The following ZZEF1 variants were observed in gnomAD, a reference collection of about 807,000 sequenced individuals.
ZZEF1 encodes zinc finger ZZ-type and EF-hand domain containing 1, also known as zinc finger ZZ-type and EF-hand domain-containing protein 1.
Under a neutral mutation model 342.8 loss-of-function variants are expected in ZZEF1, and 157 were observed. The ratio of observed to expected loss-of-function variants is 0.46; its 90% CI spans 0.40 to 0.52. The LOEUF (loss-of-function observed/expected upper bound fraction) is 0.52, where lower values mean the gene tolerates loss of function less well. Ranked by LOEUF, ZZEF1 falls within the 20% of genes least tolerant of loss-of-function variation. ZZEF1 has a pLI of 0.00. For missense variants in ZZEF1, 3,480 were observed against 3,725.6 expected, an observed-to-expected ratio of 0.93 and a Z score of 1.72; for synonymous variants, 1,505 against 1,429.1, an observed-to-expected ratio of 1.05 and a Z score of -1.20.
At position 4,086,334 on chromosome 17, in the gene ZZEF1, ATTCCCACAGCGGCAATC is replaced by A; in HGVS notation, c.2512+135_2512+151del. The A allele has an allele frequency of 9.7e-6, 5 of 516,790 alleles. No homozygotes were observed. The South Asian group carries it at 1.3e-4, about 13-fold the overall frequency. The allele number at this position is 516,790 out of a possible 1,614,324, so 32.0% of individuals were successfully genotyped here. ...CACAGCGGCAATCCCTTTCTGGGGG[ATTCCCACAGCGGCAATC>A]CCTTTCTGGGGGATTCCCACAGCGG... On this transcript the variant is annotated intron_variant, in intron 15 of 54. Transcript: ENST00000381638.
intron 39 of ZZEF1, among the ~76,000 whole-genome samples, chr17:4,041,298 A>G (rs2056797455): frequency 9.6e-6 from 1 of 103,840 alleles, no homozygotes. Context: ...GGGAACACAT[A>G]ATGATTTTCC....
intron 42 of ZZEF1, among the ~76,000 whole-genome samples, chr17:4,028,165 C>A (rs2056458860): frequency 6.6e-6 from 1 of 152,188 alleles, no homozygotes; most frequent in Non-Finnish European, 1.5e-5. Flanking sequence ...CAGAACATTA[C>A]AACATTTTCC....
chr17:4,037,408 T>C (rs1179172542), intron 39 of ZZEF1, among the ~76,000 whole-genome samples: 1 of 152,200 alleles, frequency 6.6e-6, no homozygotes, highest in Non-Finnish European at 1.5e-5. Context: ...AGCCTGAATC[T>C]AATTATGAGG....
intron 1 of ZZEF1, among the ~76,000 whole-genome samples, chr17:4,139,088 C>G (rs2058800074): frequency 7.3e-6 from 1 of 136,098 alleles, no homozygotes; most frequent in African/African-American, 2.9e-5. Flanking sequence ...AAAGAAGAAA[C>G]ATGTAACACT....
chr17:4,095,832 T>C lies in ZZEF1; in HGVS notation c.1912A>G (p.Arg638Gly), dbSNP rs1200339236. Residue 638 changes from arginine to glycine, a missense_variant and splice_region_variant, in exon 11 of 55, where the codon AGG becomes GGG. Arg to Gly is a moderately radical substitution (Grantham distance 125). Transcript: ENST00000381638. ...LQELRQFVKS[R>G]IGCSSDDLGE... ...TACAAAGATTTTTTACCTTCTTACC[T>C]GCTTTTTACAAATTGCCTGAGCTCC... 6.2e-7 allele frequency: 1 copy of C among 1,604,642 alleles called. No individual in the cohort carries two copies. The highest frequency in any genetic ancestry group is 1.7e-5 in the Admixed American group (1 of 57,946).
chr17:4,007,458 C>T (rs188942744), intron 54 of ZZEF1, among the ~76,000 whole-genome samples: 4 of 151,920 alleles, frequency 2.6e-5, no homozygotes, highest in South Asian at 2.1e-4. Flanking sequence ...GGCAGGGAGA[C>T]GTGTCAGGGA....
intron 1 of ZZEF1, among the ~76,000 whole-genome samples, chr17:4,137,993 A>AG (rs5818933): frequency 0.19 from 29,446 of 152,090 alleles, 3,089 homozygotes; most frequent in East Asian, 0.38. Flanking sequence ...ATGCGGGGGT[A>AG]GGGGGAAGAT....
At chr17:4,031,926 G>T (rs980619671) in intron 42 of ZZEF1, among the ~76,000 whole-genome samples, 200 bp downstream of exon 42, 4 of 152,040 alleles carry the variant, frequency 2.6e-5, no homozygotes, top group African/African-American at 4.8e-5. Flanking sequence ...CAAAAAGACA[G>T]CATGGAAAGG....
intron 53 of ZZEF1, 132 bp from the exon 54 acceptor site, chr17:4,009,086 C>T (rs747057697): frequency 6.6e-5 from 74 of 1,121,884 alleles, no homozygotes; most frequent in Middle Eastern, 3.0e-4. Flanking sequence ...CGCCCAGCAC[C>T]GCGTGGCACT....
intron 32 of ZZEF1, chr17:4,056,934 A>C (rs994516362): frequency 2.6e-5 from 4 of 152,236 alleles, no homozygotes; most frequent in South Asian, 2.1e-4. Context: ...TTTTGGATGC[A>C]AAATTGTAAA....
rs573602712 is a variant in ZZEF1, at chr17:4,129,084, A to G, written c.355-5033T>C. ...ACCCGGCCCAAAAAACATTTTTAAT[A>G]CCAACTTTACTAAGGTATGTAATTC... is the stretch of plus-strand genomic sequence containing the variant. On this transcript the variant is annotated intron_variant, in intron 1 of 54. Transcript: ENST00000381638. Among the ~76,000 whole-genome samples, 50 of 152,226 alleles carry G rather than the reference A, an allele frequency of 3.3e-4. 1 individual carries two copies. Among genetic ancestry groups the G allele is most frequent in the African/African-American group, 1.2e-3 (49 of 41,546 alleles).
At position 4,087,437 on chromosome 17, in the gene ZZEF1, T is replaced by C; in HGVS notation, c.2339A>G (p.Gln780Arg). The C allele has an allele frequency of 6.2e-7, 1 of 1,608,466 alleles. No homozygotes were observed. Among genetic ancestry groups the C allele is most frequent in the South Asian group, 1.1e-5 (1 of 89,214 alleles). Reference protein sequence around the residue: ...IFWNFYSKLKQNPREECVSAQ... With the variant: ...IFWNFYSKLKRNPREECVSAQ... ...CTTATAACAAATTCTGACCTACTTTTGCTTTAATTTACTGTAAAAATTCCA... is the reference window on the plus strand; with the variant it reads ...CTTATAACAAATTCTGACCTACTTTCGCTTTAATTTACTGTAAAAATTCCA... Residue 780 changes from glutamine (Q) to arginine (R), a missense_variant, in exon 14 of 55, where the codon CAA becomes CGA. Coordinates refer to ENST00000381638, the MANE Select transcript of ZZEF1 (RefSeq NM_015113.4).
rs931103690 is a variant in ZZEF1, at chr17:4,095,823, C to T, written c.1913+8G>A. 2.5e-6 allele frequency: 4 copies of T among 1,596,852 alleles called. No homozygotes were observed. The highest frequency in any genetic ancestry group is 2.2e-5 in the East Asian group (1 of 44,658). On this transcript the variant is annotated splice_region_variant and intron_variant, in intron 11 of 54. Transcript: ENST00000381638. ...TCTTTGTTCTACAAAGATTTTTTAC[C>T]TTCTTACCTGCTTTTTACAAATTGC...
At chr17:4,059,377 C>A in intron 30 of ZZEF1, 87 bp from the exon 31 acceptor site, 1 of 1,512,598 alleles carries the variant, frequency 6.6e-7, no homozygotes, top group Admixed American at 2.4e-5. Flanking sequence ...TGAAAAAGAG[C>A]AAGTGGCAGT....
rs146280502 is a variant in ZZEF1, at chr17:4,110,820, T to C, written c.1067-957A>G. On this transcript the variant is annotated intron_variant, in intron 5 of 54. Transcript: ENST00000381638. ...ACCTCCGCCTCCTGGGTTCAAGTGA[T>C]TCTCCTGCCTCAGCCTCCCAAGTAG... 9.0e-4 allele frequency among the ~76,000 whole-genome samples: 137 copies of C among 151,588 alleles called. 2 individuals carry two copies. In the East Asian group the frequency reaches 0.026, roughly 28 times the overall value.
chr17:4,027,829 C>T (rs1319116934), intron 42 of ZZEF1, among the ~76,000 whole-genome samples: 3 of 152,036 alleles, frequency 2.0e-5, no homozygotes, highest in Non-Finnish European at 4.4e-5. Flanking sequence ...CCCCAAACTC[C>T]TGGCCTCATC....
rs1179743466 is a variant in ZZEF1 at position 4,027,286 on chromosome 17, CTTTT to C, written c.6893-2172_6893-2169del. ...GACCTACGCACCCAGCAATATCTCA[CTTTT>C]TTTTTTTTTTTTTTTTTTTTTTGAG... On this transcript the variant is annotated intron_variant, in intron 42 of 54. Coordinates refer to ENST00000381638, the MANE Select transcript of ZZEF1 (RefSeq NM_015113.4). Among the ~76,000 whole-genome samples the C allele has an allele frequency of 5.5e-3, 375 of 67,946 alleles. 1 individual carries two copies. Among genetic ancestry groups the C allele is most frequent in the Non-Finnish European group, 6.6e-3 (254 of 38,602 alleles). The allele number at this position is 67,946 out of a possible 152,430, so 44.6% of individuals were successfully genotyped here. A position where few individuals can be genotyped will look rare whatever the true frequency, so the allele number is the denominator to read the frequency against.
At chr17:4,131,240 C>T (rs1268181512) in intron 1 of ZZEF1, among the ~76,000 whole-genome samples, 2 of 152,022 alleles carry the variant, frequency 1.3e-5, no homozygotes, top group East Asian at 1.9e-4. Flanking sequence ...AGATGACACC[C>T]GCACAGCCGA....
intron 51 of ZZEF1, 46 bp from the exon 52 acceptor site, chr17:4,013,660 T>C (rs1240537449): frequency 2.0e-6 from 3 of 1,515,960 alleles, no homozygotes; most frequent in Middle Eastern, 1.8e-4. Context: ...AGATACGTAA[T>C]AAGTAATATT....
Sources: gnomAD v4.1 joint callset for allele counts (sites outside exome capture counted in the v4.1 genomes callset) on GRCh38, gnomAD v4.1.1 for gene constraint, MANE v1.5 for transcripts, NCBI Gene and HGNC (gene_info 2026-07-23, HGNC 2026-07-21) for gene names.